The following MILR1 variants were observed in gnomAD, a reference collection of about 807,000 sequenced individuals.
MILR1 encodes allergin-1.
Under a neutral mutation model 18.5 loss-of-function variants are expected in MILR1, and 31 were observed. The ratio of observed to expected loss-of-function variants is 1.68; its 90% confidence interval spans 1.26 to 2.26. The LOEUF (loss-of-function observed/expected upper bound fraction) is 2.26. Ranked by LOEUF, MILR1 falls within the 30% of genes most tolerant of loss-of-function variation. MILR1 has a pLI of 0.00. For missense variants in MILR1, 257 were observed against 157.4 expected, an observed-to-expected ratio of 1.63 and a Z score of -3.38; for synonymous variants, 85 against 56.2, an observed-to-expected ratio of 1.51 and a Z score of -2.30.
intron 8 of MILR1, 72 bp downstream of exon 8, chr17:64,466,734 G>A: frequency 7.6e-7 from 1 of 1,313,190 alleles, no homozygotes; most frequent in Non-Finnish European, 1.1e-6. Context: ...ATTATATTCA[G>A]GGGCTTCAGG....
At chr17:64,478,009 C>A in the MILR1 span, 2 of 1,610,648 alleles carry the variant, frequency 1.2e-6, no homozygotes, top group Non-Finnish European at 1.7e-6. Flanking sequence ...AGTAGTTAAA[C>A]AGACACATGA....
chr17:64,496,754 A>ATC, the MILR1 span: 1 of 1,613,656 alleles, frequency 6.2e-7, no homozygotes, highest in Non-Finnish European at 8.5e-7. Context: ...TCTCTGACAG[A>ATC]TCTCTAACAG....
chr17:64,458,847 C>T (rs1175328390), intron 4 of MILR1, among the ~76,000 whole-genome samples: 5 of 152,126 alleles, frequency 3.3e-5, no homozygotes, highest in African/African-American at 1.2e-4. Context: ...AGCTCATCCT[C>T]CCGAGGGTGG....
At chr17:64,482,111 T>C in the MILR1 span, among the ~76,000 whole-genome samples, 4 of 142,486 alleles carry the variant, frequency 2.8e-5, no homozygotes, top group Admixed American at 2.1e-4. Context: ...TTTTTTTTTT[T>C]TTTTTTTTCT....
chr17:64,459,422 G>A (rs1178669200), intron 4 of MILR1, among the ~76,000 whole-genome samples: 2 of 151,674 alleles, frequency 1.3e-5, no homozygotes, highest in Admixed American at 6.6e-5. Flanking sequence ...GTAACAGAGC[G>A]AGACCCTGTC....
intron 2 of MILR1, among the ~76,000 whole-genome samples, chr17:64,451,125 A>G (rs2037161646): frequency 6.9e-6 from 1 of 145,790 alleles, no homozygotes; most frequent in African/African-American, 2.5e-5. Flanking sequence ...TTACTTTTAA[A>G]TTTTATTTAG....
At chr17:64,491,804 G>T in the MILR1 span, 1 of 518,910 alleles carries the variant, frequency 1.9e-6, no homozygotes, top group South Asian at 1.8e-5. Context: ...GACATGCTCT[G>T]CACTCCCCCA....
intron 8 of MILR1, among the ~76,000 whole-genome samples, chr17:64,467,272 AT>A (rs35879907): frequency 0.55 from 78,356 of 141,562 alleles, 22,500 homozygotes; most frequent in African/African-American, 0.77. Flanking sequence ...TGTCTGACTA[AT>A]TTTTTTTTTT....
At chr17:64,475,429 A>T in the MILR1 span, among the ~76,000 whole-genome samples, 1 of 151,852 alleles carries the variant, frequency 6.6e-6, no homozygotes, top group Non-Finnish European at 1.5e-5. Flanking sequence ...CGGGCGGATC[A>T]CCTGAGGTCG....
At chr17:64,472,836 G>A (rs2037710900), downstream of MILR1, among the ~76,000 whole-genome samples, 1 of 152,098 alleles carries the variant, frequency 6.6e-6, no homozygotes, top group South Asian at 2.1e-4. Flanking sequence ...TTTGAGCCCA[G>A]GTCTCAGATA....
chr17:64,468,878 A>C (rs1216216549), downstream of MILR1, among the ~76,000 whole-genome samples: 3 of 152,010 alleles, frequency 2.0e-5, no homozygotes, highest in East Asian at 5.9e-4. Flanking sequence ...TCAGGTCAGG[A>C]GTTCAAGACC....
At chr17:64,464,116 AT>A (rs1182677616) in intron 5 of MILR1, among the ~76,000 whole-genome samples, 1,506 of 100,848 alleles carry the variant, frequency 0.015, 15 homozygotes, top group African/African-American at 0.048. Context: ...CGCGCCTGAC[AT>A]TTTTTTTTTT....
chr17:64,451,483 A>G (rs2037169232), intron 2 of MILR1, among the ~76,000 whole-genome samples: 1 of 152,086 alleles, frequency 6.6e-6, no homozygotes, highest in African/African-American at 2.4e-5. Context: ...GTGAAAAATG[A>G]TATCTCAGTG....
At chr17:64,493,006 T>C in the MILR1 span, 12 of 1,613,996 alleles carry the variant, frequency 7.4e-6, no homozygotes, top group South Asian at 3.3e-5. Context: ...GCAATTAACA[T>C]AGTGTTCCAA....
At chr17:64,461,875 A>G (rs2037439731) in intron 5 of MILR1, among the ~76,000 whole-genome samples, 1 of 152,070 alleles carries the variant, frequency 6.6e-6, no homozygotes, top group Non-Finnish European at 1.5e-5. Context: ...TCCTTTCATA[A>G]CTGGCTTATT....
the MILR1 span, among the ~76,000 whole-genome samples, chr17:64,483,341 TTCTC>T: frequency 5.4e-3 from 814 of 151,754 alleles, 6 homozygotes; most frequent in Non-Finnish European, 7.9e-3. Flanking sequence ...CGGTGAAAAC[TTCTC>T]TCTACCAAAA....
intron 3 of MILR1, among the ~76,000 whole-genome samples, chr17:64,454,650 T>G (rs2037250605): frequency 6.6e-6 from 1 of 152,278 alleles, no homozygotes; most frequent in East Asian, 1.9e-4. Flanking sequence ...AAACTACGTA[T>G]ACAAATTTCT....
Position 64,457,519 on chromosome 17 carries a change from A to G in MILR1, c.487A>G (p.Asn163Asp). ...GCCCATCAATTACACTTTCTTTGAA[A>G]ACCATGTTGCCATATCACCAGCTAT... The part of the protein sequence containing the change: ...SLPINYTFFE[N>D]HVAISPAISK... Residue 163 changes from asparagine to aspartate, a missense_variant, in exon 4 of 10, where the codon AAC becomes GAC. Asn to Asp is a conservative substitution (Grantham distance 23). Transcript: ENST00000619286. 6.3e-6 allele frequency: 3 copies of G among 475,434 alleles called. No individual in the cohort carries two copies. Among genetic ancestry groups the G allele is most frequent in the South Asian group, 6.7e-5 (1 of 14,886 alleles). 29.5% of individuals were successfully genotyped at this position (475,434 alleles called of 1,614,324 possible).
intron 5 of MILR1, among the ~76,000 whole-genome samples, chr17:64,462,494 G>T (rs886237420): frequency 6.6e-6 from 1 of 152,182 alleles, no homozygotes; most frequent in South Asian, 2.1e-4. Context: ...GAGGTTCAGT[G>T]CATGAGGACA....
Sources: gnomAD v4.1 joint callset for allele counts (sites outside exome capture counted in the v4.1 genomes callset) on GRCh38, gnomAD v4.1.1 for gene constraint, MANE v1.5 for transcripts, NCBI Gene and HGNC (gene_info 2026-07-23, HGNC 2026-07-21) for gene names.